The following SYT1 variants were observed in gnomAD, a reference collection of about 807,000 sequenced individuals.
SYT1 encodes synaptotagmin 1.
SYT1 carries 8 observed loss-of-function variants against 44.8 expected under a neutral mutation model. The ratio of observed to expected loss-of-function variants is 0.18; its 90% CI spans 0.10 to 0.32. The LOEUF (loss-of-function observed/expected upper bound fraction) is 0.32, where lower values mean the gene tolerates loss of function less well. Ranked by LOEUF, SYT1 falls within the 10% of genes least tolerant of loss-of-function variation. SYT1 has a pLI of 1.00. For synonymous variants in SYT1, 154 were observed against 188.8 expected (o/e 0.82, Z 1.51); for missense variants, 286 against 509.3 (o/e 0.56, Z 4.22).
In SYT1 at chr12:79,336,324, G is replaced by A. The variant is rs73352980; in HGVS notation, c.811-17178G>A. ...AAAATCCTTCCACTGCTTTCCCCAC[G>A]ATTCCTGAGTTGATTTTCCTTATCT... On this transcript the variant is annotated intron_variant, in intron 8 of 10. Transcript: ENST00000261205. Among the ~76,000 whole-genome samples the A allele has an allele frequency of 6.7e-3, 1,014 of 152,204 alleles. 9 individuals carry two copies. Among genetic ancestry groups the A allele is most frequent in the African/African-American group, 0.023 (961 of 41,516 alleles).
intron 2 of SYT1, among the ~76,000 whole-genome samples, chr12:78,994,507 G>A (rs1227905209): frequency 1.0e-5 from 1 of 100,390 alleles, no homozygotes; most frequent in African/African-American, 3.7e-5. Context: ...TTTTCTTTTC[G>A]CTTGGTGAGC....
chr12:79,372,010 C>A (rs945057825), intron 9 of SYT1, among the ~76,000 whole-genome samples: 2 of 152,152 alleles, frequency 1.3e-5, no homozygotes, highest in African/African-American at 4.8e-5. Context: ...CTGTACATAC[C>A]TTTTCTCATT....
chr12:79,289,416 A>C (rs1879463629), intron 5 of SYT1, among the ~76,000 whole-genome samples: 1 of 152,196 alleles, frequency 6.6e-6, no homozygotes, highest in Non-Finnish European at 1.5e-5. Flanking sequence ...GTCTTGCTTA[A>C]GCTCAGCCTT....
intron 2 of SYT1, among the ~76,000 whole-genome samples, chr12:79,041,309 G>T (rs1467202902): frequency 6.6e-6 from 1 of 152,118 alleles, no homozygotes; most frequent in African/African-American, 2.4e-5. Flanking sequence ...TTGAGCAGTG[G>T]TTTGTAGTTC....
At chr12:79,064,491 A>G (rs1051338291) in intron 3 of SYT1, among the ~76,000 whole-genome samples, 1 of 152,074 alleles carries the variant, frequency 6.6e-6, no homozygotes, top group African/African-American at 2.4e-5. Flanking sequence ...TTCAAAGTCT[A>G]TTTTTCTTAT....
intron 1 of SYT1, among the ~76,000 whole-genome samples, chr12:78,941,430 CACACAT>C (rs1353683636): frequency 7.1e-6 from 1 of 141,614 alleles, no homozygotes; most frequent in Non-Finnish European, 1.6e-5. Flanking sequence ...CACACACACA[CACACAT>C]TATGTAATAC....
At chr12:79,011,892 G>A (rs939155108) in intron 2 of SYT1, among the ~76,000 whole-genome samples, 4 of 152,158 alleles carry the variant, frequency 2.6e-5, no homozygotes, top group Admixed American at 6.5e-5. Context: ...AGCACTTTGC[G>A]GGGCTGAGGC....
At chr12:79,178,320 TTA>T (rs1872027078) in intron 3 of SYT1, among the ~76,000 whole-genome samples, 2 of 151,932 alleles carry the variant, frequency 1.3e-5, no homozygotes, top group Admixed American at 6.6e-5. Flanking sequence ...AGATTCCTTT[TTA>T]TTTCAATTTT....
chr12:79,146,478 A>G (rs776438095), intron 3 of SYT1, among the ~76,000 whole-genome samples: 2 of 152,176 alleles, frequency 1.3e-5, no homozygotes, highest in African/African-American at 2.4e-5. Flanking sequence ...TTAGAATTCA[A>G]CCCTCATTCT....
intron 3 of SYT1, among the ~76,000 whole-genome samples, chr12:79,173,049 G>A (rs1871639962): frequency 7.6e-6 from 1 of 131,992 alleles, no homozygotes; most frequent in African/African-American, 2.8e-5. Context: ...TGGCAGAAAA[G>A]GTATATAAAA....
At chr12:78,983,362 A>G (rs1396109729) in intron 2 of SYT1, among the ~76,000 whole-genome samples, 2 of 152,032 alleles carry the variant, frequency 1.3e-5, no homozygotes, top group Non-Finnish European at 2.9e-5. Context: ...CCAGGCCTCA[A>G]AGGCATCTTT....
At chr12:79,199,753 C>G (rs1232473738) in intron 3 of SYT1, among the ~76,000 whole-genome samples, 1 of 152,008 alleles carries the variant, frequency 6.6e-6, no homozygotes, top group East Asian at 1.9e-4. Flanking sequence ...TAAGCACTAT[C>G]AAATTTTATA....
At chr12:79,299,597 A>G (rs1163098792) in intron 8 of SYT1, 46 bp downstream of exon 8, 1 of 1,592,960 alleles carries the variant, frequency 6.3e-7, no homozygotes, top group South Asian at 1.1e-5. Flanking sequence ...TGTACTCGCC[A>G]GTTGCTGCTC....
intron 9 of SYT1, among the ~76,000 whole-genome samples, chr12:79,403,089 G>A (rs1442532904): frequency 2.6e-5 from 4 of 152,198 alleles, no homozygotes; most frequent in African/African-American, 9.7e-5. Context: ...GATGACGGGT[G>A]TATATGAGAA....
intron 2 of SYT1, among the ~76,000 whole-genome samples, chr12:79,003,071 A>C (rs1408009240): frequency 6.6e-6 from 1 of 152,050 alleles, no homozygotes; most frequent in East Asian, 1.9e-4. Context: ...TTCAATGAGA[A>C]AGTACAGCAT....
chr12:79,321,317 A>G (rs1388999305), intron 8 of SYT1, among the ~76,000 whole-genome samples: 1 of 152,210 alleles, frequency 6.6e-6, no homozygotes, highest in Non-Finnish European at 1.5e-5. Context: ...TTCATGTTAA[A>G]TTCCTAGTAT....
intron 8 of SYT1, among the ~76,000 whole-genome samples, chr12:79,316,712 T>A (rs1433972021): frequency 1.3e-5 from 2 of 152,206 alleles, no homozygotes; most frequent in Non-Finnish European, 2.9e-5. Context: ...TGGCACCTCA[T>A]AACACACGTT....
At chr12:79,409,942 G>A (rs1526962) in intron 9 of SYT1, among the ~76,000 whole-genome samples, 20,727 of 151,926 alleles carry the variant, frequency 0.14, 1,839 homozygotes, top group Middle Eastern at 0.34. Flanking sequence ...TTCTTACTCT[G>A]TTCACTTCAC....
chr12:79,212,200 T>C (rs1874501255), intron 3 of SYT1, among the ~76,000 whole-genome samples: 1 of 152,184 alleles, frequency 6.6e-6, no homozygotes, highest in African/African-American at 2.4e-5. Context: ...AATGAGTTCA[T>C]GTCCTTTGCA....
Sources: gnomAD v4.1 joint callset for allele counts (sites outside exome capture counted in the v4.1 genomes callset) on GRCh38, gnomAD v4.1.1 for gene constraint, MANE v1.5 for transcripts, NCBI Gene and HGNC (gene_info 2026-07-23, HGNC 2026-07-21) for gene names.